CLASRP: variants seen among roughly 807,000 people sequenced by gnomAD.
The protein encoded by CLASRP is CLK4 associating serine/arginine rich protein, also known as CLK4-associating serine/arginine rich protein.
In CLASRP, 52 loss-of-function variants were observed where a neutral mutation model predicts 99.9. The observed-to-expected ratio is 0.52, with a 90% CI of 0.42 to 0.66. CLASRP has a LOEUF of 0.66. CLASRP is among the 30% of genes least tolerant of loss of function. The pLI, the probability that CLASRP is intolerant of heterozygous loss-of-function variation, is 0.00. For synonymous variants in CLASRP, 379 were observed against 373.0 expected (o/e 1.02, Z -0.18); for missense variants, 848 against 999.2 (o/e 0.85, Z 2.04).
At chr19:45,059,592 C>A (rs1384670412) in intron 8 of CLASRP, among the ~76,000 whole-genome samples, 1 of 152,228 alleles carries the variant, frequency 6.6e-6, no homozygotes, top group Admixed American at 6.5e-5. Flanking sequence ...CTTAGTGCGA[C>A]CTGGGGCGAA....
chr19:45,064,727 G>T (rs1051788880), intron 13 of CLASRP, 97 bp downstream of exon 13: 43 of 1,448,544 alleles, frequency 3.0e-5, no homozygotes, highest in Non-Finnish European at 3.9e-5. Context: ...TGGCCGTCCA[G>T]CTCAGAGAAC....
intron 13 of CLASRP, among the ~76,000 whole-genome samples, chr19:45,064,831 G>C (rs1319989038): frequency 6.6e-6 from 1 of 152,214 alleles, no homozygotes. Context: ...TGCGCGTTCT[G>C]GTGGCAGTGG....
rs1020929443 is a variant in CLASRP, at chr19:45,064,071, G to A, written c.965G>A (p.Arg322His). The A allele has an allele frequency of 5.0e-6, 8 of 1,612,392 alleles. No individual in the cohort carries two copies. The highest frequency in any genetic ancestry group is 3.3e-4 in the Middle Eastern group (2 of 6,080). ...CGCTCCCGCTCCCCGACCCCGGGCCGCGAGGAGAAGATCACGTTCATCACC... is the reference window on the plus strand; with the variant it reads ...CGCTCCCGCTCCCCGACCCCGGGCCACGAGGAGAAGATCACGTTCATCACC... The part of the protein sequence containing the change: ...RSRSRSPTPG[R>H]EEKITFITSF... The change falls in exon 12 of 21, where the codon CGC becomes CAC. Residue 322 changes from arginine (R) to histidine (H), a missense_variant. Arg to His is a conservative substitution (Grantham distance 29). Transcript: ENST00000221455.
chr19:45,059,677 T>G (rs989143867), intron 8 of CLASRP, among the ~76,000 whole-genome samples: 2 of 152,270 alleles, frequency 1.3e-5, no homozygotes, highest in East Asian at 3.9e-4. Context: ...CATTCCCTGG[T>G]TATTTATCCT....
At chr19:45,050,749 G>T (rs566127711) in intron 2 of CLASRP, among the ~76,000 whole-genome samples, 42 of 152,042 alleles carry the variant, frequency 2.8e-4, no homozygotes, top group Non-Finnish European at 1.8e-4. Context: ...TCTCGCTCTT[G>T]TCCCCCAGGC....
chr19:45,070,555 C>A lies in CLASRP; in HGVS notation c.1976C>A (p.Ser659Tyr). The part of the protein sequence containing the change: ...SPRYSREYSS[S>Y]RRRSRSRSRS... ...TTTCCAGGTCGAGAATACAGCTCTT[C>A]TCGAAGGTAAGGAAGCCCATGACCC... The change falls in exon 20 of 21, where the codon TCT (serine) becomes TAT (tyrosine). Residue 659 changes from serine (S) to tyrosine (Y), a missense_variant. Physicochemically the swap from Ser to Tyr is moderately radical, Grantham distance 144. Transcript: ENST00000221455. 4.3e-6 allele frequency: 7 copies of A among 1,613,734 alleles called. No individual in the cohort carries two copies. Among genetic ancestry groups the A allele is most frequent in the Non-Finnish European group, 5.9e-6 (7 of 1,179,670 alleles).
intron 2 of CLASRP, 182 bp downstream of exon 2, chr19:45,040,493 T>C (rs564734881): frequency 5.8e-6 from 3 of 513,928 alleles, no homozygotes; most frequent in South Asian, 4.0e-5. Flanking sequence ...CTGTTTGTTG[T>C]AGCATACTGT....
In CLASRP at chr19:45,067,895, G is replaced by C; in HGVS notation, c.1668-120G>C. On this transcript the variant is annotated intron_variant, in intron 14 of 20. Coordinates refer to ENST00000221455, the MANE Select transcript of CLASRP (RefSeq NM_007056.3). The surrounding 1 kb of genome is among the most constrained non-coding windows in gnomAD (Gnocchi z 4.9). ...TCTGAGAGGGACATGGTTGCACCCTGGGGCATCTGAGGCCCATGCCTTGGC... is the reference window on the plus strand; with the variant it reads ...TCTGAGAGGGACATGGTTGCACCCTCGGGCATCTGAGGCCCATGCCTTGGC... 1.3e-6 allele frequency: 1 copy of C among 789,572 alleles called. No homozygotes were observed. The allele number at this position is 789,572 out of a possible 1,614,324, so 48.9% of individuals were successfully genotyped here. A position where few individuals can be genotyped will look rare whatever the true frequency, so the allele number is the denominator to read the frequency against.
chr19:45,059,509 G>C, intron 8 of CLASRP, 145 bp downstream of exon 8: 1 of 700,330 alleles, frequency 1.4e-6, no homozygotes, highest in Non-Finnish European at 2.4e-6. Flanking sequence ...GCAGGTCCCT[G>C]AGCCTATGGT....
chr19:45,069,334 C>T lies in CLASRP; in HGVS notation c.1874+86C>T, dbSNP rs1967179199. On this transcript the variant is annotated intron_variant, in intron 18 of 20. Coordinates refer to ENST00000221455, the MANE Select transcript of CLASRP (RefSeq NM_007056.3). ...CATGGGCTGCTGGCTCAAGCCCTGC[C>T]CAGCTCCCTGTGGGTGGATGAAAGG... 3.6e-6 allele frequency: 5 copies of T among 1,383,210 alleles called. No individual in the cohort carries two copies. The South Asian group carries it at 5.9e-5, about 16-fold the overall frequency. The allele number at this position is 1,383,210 out of a possible 1,614,324, so 85.7% of individuals were successfully genotyped here.
At position 45,052,882 on chromosome 19, in the gene CLASRP, C is replaced by T; in HGVS notation, c.289C>T (p.Leu97Phe). ...DHIPDYTPPL[L>F]TTISPEQESD... ...CATCCCCGACTACACCCCCCCTCTG[C>T]TCACCACCATGTAAGCCACCTCCCA... The change falls in exon 4 of 21, where the codon CTC becomes TTC. Residue 97 changes from leucine (L) to phenylalanine (F), a missense_variant. Coordinates refer to ENST00000221455, the MANE Select transcript of CLASRP (RefSeq NM_007056.3). 1 of 1,607,736 alleles carries T rather than the reference C, an allele frequency of 6.2e-7. No homozygotes were observed. Among genetic ancestry groups the T allele is most frequent in the Admixed American group, 1.7e-5 (1 of 58,058 alleles).
Position 45,060,443 on chromosome 19 carries a change from TGAG to T in CLASRP, c.772_774del (p.Glu258del), listed in dbSNP as rs1213587871. On this transcript the variant is annotated inframe_deletion, in exon 9 of 21. Transcript: ENST00000221455. This position sits in a 1 kb window ranked among gnomAD's most constrained non-coding sequence, Gnocchi z 4.6. ...AGGCCATCAAGCATGCCAAGGCTCTTGAGGAGGAGAAGGCCATGTACTCGGTGA... is the reference window on the plus strand; with the variant it reads ...AGGCCATCAAGCATGCCAAGGCTCTTGAGGAGAAGGCCATGTACTCGGTGA... 2 of 1,613,910 alleles carry T rather than the reference TGAG, an allele frequency of 1.2e-6. No homozygotes were observed. The highest frequency in any genetic ancestry group is 1.7e-6 in the Non-Finnish European group (2 of 1,179,992).
At chr19:45,056,406 G>C (rs1023640304) in intron 5 of CLASRP, 44 bp from the exon 6 acceptor site, 1 of 1,577,628 alleles carries the variant, frequency 6.3e-7, no homozygotes, top group Non-Finnish European at 8.7e-7. Flanking sequence ...TGAATTCCTA[G>C]TGTCCCCAAC....
chr19:45,070,147 A>G (rs117782853), intron 19 of CLASRP, 43 bp downstream of exon 19: 6 of 1,244,968 alleles, frequency 4.8e-6, no homozygotes, highest in Non-Finnish European at 7.1e-6. Flanking sequence ...GGCTTTAAAG[A>G]AAAGTGTCAA....
At position 45,064,409 on chromosome 19, in the gene CLASRP, TCGCTCCAGCTCC is replaced by T; in HGVS notation, c.1194_1205del (p.Ser399_Ser402del). ...GGACCTCCAGCTCCCGCTCCAGCTC[TCGCTCCAGCTCC>T]CGCTCTCGCCGTGGTGGGGGCTACT... On this transcript the variant is annotated inframe_deletion, in exon 13 of 21. Transcript: ENST00000221455. 4 of 1,526,230 alleles carry T rather than the reference TCGCTCCAGCTCC, an allele frequency of 2.6e-6. No individual in the cohort carries two copies. Among genetic ancestry groups the T allele is most frequent in the Non-Finnish European group, 3.5e-6 (4 of 1,138,240 alleles). 94.5% of individuals were successfully genotyped at this position (1,526,230 alleles called of 1,614,324 possible).
Position 45,068,008 on chromosome 19 carries a change from C to T in CLASRP, c.1668-7C>T. Reference sequence around the variant, plus strand: ...CAACCATGTCCTCTGGCCCTGCCCCCACCCAGGACCGAACCTGCCGCTGGT... The same window carrying T: ...CAACCATGTCCTCTGGCCCTGCCCCTACCCAGGACCGAACCTGCCGCTGGT... On this transcript the variant is annotated splice_region_variant and splice_polypyrimidine_tract_variant and intron_variant, in intron 14 of 20. Transcript: ENST00000221455. 1.2e-6 allele frequency: 2 copies of T among 1,611,250 alleles called. No homozygotes were observed. Among genetic ancestry groups the T allele is most frequent in the African/African-American group, 1.3e-5 (1 of 74,994 alleles).
chr19:45,048,721 C>T (rs911924198), intron 2 of CLASRP, among the ~76,000 whole-genome samples: 7 of 151,956 alleles, frequency 4.6e-5, no homozygotes, highest in African/African-American at 1.7e-4. Context: ...GGCGTGGTGG[C>T]TCATGCCTGT....
Position 45,067,453 on chromosome 19 carries a change from C to G in CLASRP, c.1526C>G (p.Thr509Ser), listed in dbSNP as rs1282620006. The change falls in exon 14 of 21, where the codon ACT becomes AGT. Residue 509 changes from threonine (T) to serine (S), a missense_variant. By Grantham distance (58) the Thr-to-Ser change is moderately conservative (BLOSUM62 1). Around this residue, in one of 8 missense-constraint regions of CLASRP, gnomAD observed 489 missense variants for 434.7 expected, o/e 1.12. Transcript: ENST00000221455. The surrounding 1 kb of genome is among the most constrained non-coding windows in gnomAD (Gnocchi z 4.9). Reference protein sequence around the residue: ...SLSPSRSRSLTRSRSHSPSPS... With the variant: ...SLSPSRSRSLSRSRSHSPSPS... ...AGCCCGTCCCGCAGTCGCAGCCTGA[C>G]TCGCAGCCGCAGCCATAGCCCCAGC... is the stretch of plus-strand genomic sequence containing the variant. The G allele has an allele frequency of 1.3e-6, 2 of 1,545,170 alleles. No homozygotes were observed. Among genetic ancestry groups the G allele is most frequent in the South Asian group, 2.3e-5 (2 of 85,368 alleles).
chr19:45,056,085 G>T (rs567145930), intron 5 of CLASRP, among the ~76,000 whole-genome samples: 1 of 152,144 alleles, frequency 6.6e-6, no homozygotes, highest in Non-Finnish European at 1.5e-5. Flanking sequence ...TCAGAATGGC[G>T]TGTGGCACTC....
Sources: gnomAD v4.1 joint callset for allele counts (sites outside exome capture counted in the v4.1 genomes callset) on GRCh38, gnomAD v4.1.1 for gene constraint, gnomAD v4.1.1 regional missense constraint, Gnocchi (gnomAD v3.1) non-coding constraint, MANE v1.5 for transcripts, NCBI Gene and HGNC (gene_info 2026-07-23, HGNC 2026-07-21) for gene names.